Variants in SMYD3 observed in about 807,000 individuals in gnomAD.
SMYD3 encodes the protein histone-lysine N-methyltransferase SMYD3.
A neutral mutation model predicts 57.7 loss-of-function variants in SMYD3; 36 were observed. The ratio of observed to expected loss-of-function variants is 0.62; its 90% CI spans 0.48 to 0.82. SMYD3 has a LOEUF of 0.82. Among genes scored for constraint, SMYD3 ranks in the 40% least tolerant of loss-of-function variants. The pLI is 0.00. For missense variants in SMYD3, 515 were observed against 538.8 expected (o/e 0.96, Z 0.44); for synonymous variants, 211 against 195.0 (o/e 1.08, Z -0.68).
intron 5 of SMYD3, among the ~76,000 whole-genome samples, chr1:245,931,204 T>C (rs1473434475): frequency 6.6e-6 from 1 of 152,172 alleles, no homozygotes; most frequent in African/African-American, 2.4e-5. Context: ...AAAAGGATCA[T>C]TCTGGCTGTT....
At chr1:246,026,359 G>A (rs894692202) in intron 5 of SMYD3, among the ~76,000 whole-genome samples, 4 of 152,014 alleles carry the variant, frequency 2.6e-5, no homozygotes, top group African/African-American at 9.7e-5. Flanking sequence ...CTTGAAAGAC[G>A]CACTCCACTA....
intron 5 of SMYD3, among the ~76,000 whole-genome samples, chr1:246,261,128 A>G (rs10924649): frequency 0.21 from 31,441 of 151,776 alleles, 3,966 homozygotes; most frequent in East Asian, 0.58. Flanking sequence ...GCACCATCTC[A>G]GCTCACTGCA....
intron 1 of SMYD3, among the ~76,000 whole-genome samples, chr1:246,428,347 T>C (rs1258744517): frequency 6.6e-6 from 1 of 152,160 alleles, no homozygotes; most frequent in Admixed American, 6.5e-5. Context: ...GTTAGGGTGT[T>C]TTTCAGTTGC....
intron 5 of SMYD3, among the ~76,000 whole-genome samples, chr1:245,972,684 G>C (rs149096626): frequency 1.5e-3 from 225 of 152,320 alleles, no homozygotes; most frequent in African/African-American, 5.2e-3. Context: ...GAAAGAGTTG[G>C]GAACTGCTTC....
chr1:246,477,930 T>C (rs557909998), intron 1 of SMYD3, among the ~76,000 whole-genome samples: 31 of 152,302 alleles, frequency 2.0e-4, no homozygotes, highest in African/African-American at 7.2e-4. Context: ...CAACCAACTA[T>C]TAAATATCAA....
At chr1:246,268,828 C>G (rs963598390) in intron 5 of SMYD3, among the ~76,000 whole-genome samples, 2 of 152,130 alleles carry the variant, frequency 1.3e-5, no homozygotes, top group African/African-American at 4.8e-5. Context: ...TCTTAATAAA[C>G]TTGCTTTCAC....
chr1:246,180,391 A>C lies in SMYD3; in HGVS notation c.531+146810T>G, dbSNP rs1349957548. Among the ~76,000 whole-genome samples, 4 of 144,860 alleles carry C rather than the reference A, an allele frequency of 2.8e-5. 1 individual carries two copies. The East Asian group carries it at 7.9e-4, about 28-fold the overall frequency. ...ATATATAAACTACCTATTCTATCTTATACCTTCCACTCAAGGTCATGAAGA... is the reference window on the plus strand; with the variant it reads ...ATATATAAACTACCTATTCTATCTTCTACCTTCCACTCAAGGTCATGAAGA... On this transcript the variant is annotated intron_variant, in intron 5 of 11. Coordinates refer to ENST00000490107, the MANE Select transcript of SMYD3 (RefSeq NM_001167740.2).
chr1:245,785,367 C>A (rs764578489), intron 10 of SMYD3, among the ~76,000 whole-genome samples: 11 of 152,118 alleles, frequency 7.2e-5, no homozygotes, highest in Non-Finnish European at 1.5e-4. Flanking sequence ...TATGTTATAA[C>A]CTCAGAGGCT....
chr1:245,792,838 G>C (rs951828219), intron 10 of SMYD3, among the ~76,000 whole-genome samples: 2 of 152,102 alleles, frequency 1.3e-5, no homozygotes, highest in African/African-American at 2.4e-5. Context: ...AAGTCTCCTC[G>C]GGATTTTATG....
At chr1:246,438,828 G>C (rs1362414288) in intron 1 of SMYD3, among the ~76,000 whole-genome samples, 4 of 151,364 alleles carry the variant, frequency 2.6e-5, no homozygotes, top group Non-Finnish European at 4.4e-5. Flanking sequence ...GTGAGATCTA[G>C]TGTGCAACCT....
chr1:245,890,768 C>T (rs533360333), intron 8 of SMYD3, among the ~76,000 whole-genome samples: 16 of 152,298 alleles, frequency 1.1e-4, no homozygotes, highest in East Asian at 9.6e-4. Context: ...GGTATCTGCA[C>T]GCCCATGTTT....
intron 1 of SMYD3, among the ~76,000 whole-genome samples, chr1:246,437,581 A>G (rs2067398478): frequency 6.6e-6 from 1 of 152,224 alleles, no homozygotes; most frequent in African/African-American, 2.4e-5. Context: ...TGCTTTTAAG[A>G]TTAGAAGCCA....
chr1:246,085,525 G>A (rs2060707612), intron 5 of SMYD3, among the ~76,000 whole-genome samples: 1 of 152,118 alleles, frequency 6.6e-6, no homozygotes, highest in African/African-American at 2.4e-5. Flanking sequence ...ATACCCAGAA[G>A]AAAGGGGCAT....
chr1:245,866,609 G>A (rs1167927529), intron 8 of SMYD3, among the ~76,000 whole-genome samples: 2 of 152,140 alleles, frequency 1.3e-5, no homozygotes, highest in East Asian at 3.9e-4. Flanking sequence ...GCACACGCCT[G>A]TAATCCCAGA....
intron 5 of SMYD3, among the ~76,000 whole-genome samples, chr1:246,178,516 C>T (rs1298879656): frequency 2.0e-5 from 3 of 152,074 alleles, no homozygotes; most frequent in South Asian, 2.1e-4. Context: ...AGTATTTTCA[C>T]GCTTGCCACA....
At chr1:246,216,929 TA>T (rs1489375309) in intron 5 of SMYD3, among the ~76,000 whole-genome samples, 17 of 152,220 alleles carry the variant, frequency 1.1e-4, no homozygotes, top group African/African-American at 4.1e-4. Flanking sequence ...CTGGAAAGTC[TA>T]AAACCAAACT....
At chr1:246,144,553 ATACCCTCCC>A in intron 5 of SMYD3, among the ~76,000 whole-genome samples, 1 of 152,320 alleles carries the variant, frequency 6.6e-6, no homozygotes, top group South Asian at 2.1e-4. Flanking sequence ...GCAAAGTAAT[ATACCCTCCC>A]TGTCAACAAA....
chr1:245,922,475 G>A (rs1028916080), intron 7 of SMYD3, among the ~76,000 whole-genome samples: 8 of 152,166 alleles, frequency 5.3e-5, no homozygotes, highest in East Asian at 1.9e-4. Flanking sequence ...CTTTCTTGCC[G>A]AGTCCAAACA....
At chr1:246,273,622 T>C (rs939858873) in intron 5 of SMYD3, among the ~76,000 whole-genome samples, 6 of 146,408 alleles carry the variant, frequency 4.1e-5, no homozygotes, top group African/African-American at 1.5e-4. Flanking sequence ...GTTGGTCTTG[T>C]CGCCCAGGTG....
Sources: gnomAD v4.1 joint callset for allele counts (sites outside exome capture counted in the v4.1 genomes callset) on GRCh38, gnomAD v4.1.1 for gene constraint, MANE v1.5 for transcripts, NCBI Gene and HGNC (gene_info 2026-07-23, HGNC 2026-07-21) for gene names.